The following RIMS2 variants were observed in gnomAD, a reference collection of about 807,000 sequenced individuals.
The protein encoded by RIMS2 is regulating synaptic membrane exocytosis protein 2.
Under a neutral mutation model 174.4 loss-of-function variants are expected in RIMS2, and 59 were observed. That is an observed-to-expected ratio of 0.34 (90% CI 0.27 to 0.42). The LOEUF is 0.42. Ranked by LOEUF, RIMS2 falls within the 10% of genes least tolerant of loss-of-function variation. RIMS2 has a pLI of 1.00. For missense variants in RIMS2, 1,620 were observed against 1,666.3 expected (o/e 0.97, Z 0.48); for synonymous variants, 606 against 572.5 (o/e 1.06, Z -0.84).
intron 1 of RIMS2, among the ~76,000 whole-genome samples, chr8:103,603,334 G>T (rs1190703654): frequency 5.3e-5 from 8 of 151,632 alleles, no homozygotes; most frequent in African/African-American, 1.7e-4. Flanking sequence ...AACTCATCAT[G>T]TTTTATGGCT....
chr8:103,890,621 A>T (rs1243109975), intron 4 of RIMS2, among the ~76,000 whole-genome samples: 1 of 151,796 alleles, frequency 6.6e-6, no homozygotes, highest in African/African-American at 2.4e-5. Flanking sequence ...CACTAAATTG[A>T]TCGCTTTCCC....
chr8:103,951,118 T>G (rs1251781592), intron 14 of RIMS2, among the ~76,000 whole-genome samples: 1 of 152,156 alleles, frequency 6.6e-6, no homozygotes, highest in Non-Finnish European at 1.5e-5. Flanking sequence ...AATACAAAAA[T>G]CACATAATCA....
chr8:104,171,874 G>T (rs939914885), intron 19 of RIMS2, among the ~76,000 whole-genome samples: 1 of 151,930 alleles, frequency 6.6e-6, no homozygotes, highest in Non-Finnish European at 1.5e-5. Context: ...GTTTATTATA[G>T]CCTAATTTGA....
intron 3 of RIMS2, among the ~76,000 whole-genome samples, chr8:103,840,397 A>G (rs892781270): frequency 3.3e-5 from 5 of 150,308 alleles, no homozygotes. Context: ...TATTTTTCCC[A>G]CTAGTTCTAC....
intron 1 of RIMS2, among the ~76,000 whole-genome samples, chr8:103,588,921 A>G (rs1388481847): frequency 1.3e-5 from 2 of 151,880 alleles, no homozygotes; most frequent in Non-Finnish European, 3.0e-5. Flanking sequence ...GATCACATCA[A>G]GTTAAAAAGC....
chr8:103,795,031 T>G (rs1453723264), intron 3 of RIMS2, among the ~76,000 whole-genome samples: 1 of 152,216 alleles, frequency 6.6e-6, no homozygotes, highest in Non-Finnish European at 1.5e-5. Flanking sequence ...GTGTGGCAAT[T>G]CCTCAGGGAT....
chr8:103,611,314 A>G (rs753161667), intron 1 of RIMS2, among the ~76,000 whole-genome samples: 1 of 152,104 alleles, frequency 6.6e-6, no homozygotes, highest in African/African-American at 2.4e-5. Flanking sequence ...TTCATGGTTC[A>G]TCACTTAGTC....
At position 103,994,215 on chromosome 8, in the gene RIMS2, A is replaced by G. The variant is rs114613928; in HGVS notation, c.3044+4794A>G. ...AAAGGGGACATTCGGCTAATTTCAT[A>G]TAGTGGAAGGACAATTCATTATAAA... On this transcript the variant is annotated intron_variant, in intron 17 of 23. Coordinates refer to ENST00000504942, the Ensembl canonical transcript of RIMS2. 3.0e-3 allele frequency among the ~76,000 whole-genome samples: 463 copies of G among 152,178 alleles called. 1 individual carries two copies. Among genetic ancestry groups the G allele is most frequent in the African/African-American group, 0.011 (440 of 41,526 alleles).
rs149057528 is a variant in RIMS2, at chr8:104,034,121, A to G, written c.3334+19506A>G. ...GTATGGGAATGAGCCCAAACTTGAG[A>G]TGGAAAGTTGGCTGTGCATCAATAG... On this transcript the variant is annotated intron_variant, in intron 19 of 23. Transcript: ENST00000504942. 2.2e-3 allele frequency among the ~76,000 whole-genome samples: 330 copies of G among 152,306 alleles called. 1 individual carries two copies. Among genetic ancestry groups the G allele is most frequent in the African/African-American group, 7.7e-3 (321 of 41,554 alleles).
intron 19 of RIMS2, among the ~76,000 whole-genome samples, chr8:104,041,985 CAT>C (rs924644635): frequency 9.2e-5 from 14 of 151,492 alleles, no homozygotes; most frequent in Non-Finnish European, 1.9e-4. Context: ...AACTTGAACA[CAT>C]GTGGTACTGT....
chr8:103,500,731 T>G, upstream of RIMS2: 3 of 517,650 alleles, frequency 5.8e-6, no homozygotes, highest in Non-Finnish European at 6.8e-6. Flanking sequence ...TCCCCCTGCT[T>G]TTCTTGGGGG....
intron 15 of RIMS2, among the ~76,000 whole-genome samples, chr8:103,967,190 T>G (rs1596008859): frequency 7.5e-6 from 1 of 134,098 alleles, no homozygotes; most frequent in African/African-American, 2.9e-5. Flanking sequence ...TTTTTTTTTT[T>G]TTTTTTTTTT....
intron 19 of RIMS2, among the ~76,000 whole-genome samples, chr8:104,160,061 C>T (rs1054470865): frequency 2.0e-5 from 3 of 151,950 alleles, no homozygotes; most frequent in Non-Finnish European, 4.4e-5. Flanking sequence ...ATTACTTGAA[C>T]CTGGAAGGCA....
At chr8:104,062,413 AT>A (rs2097017196) in intron 19 of RIMS2, among the ~76,000 whole-genome samples, 1 of 152,242 alleles carries the variant, frequency 6.6e-6, no homozygotes, top group South Asian at 2.1e-4. Context: ...TCTCAAAAAA[AT>A]TTTAAAAAAA....
chr8:103,586,449 G>C (rs2093925189), intron 1 of RIMS2, among the ~76,000 whole-genome samples: 1 of 151,958 alleles, frequency 6.6e-6, no homozygotes, highest in Non-Finnish European at 1.5e-5. Context: ...GAGGAATTTG[G>C]GAAACTAAAC....
rs966867439 is a variant in RIMS2 at position 104,093,133 on chromosome 8, TA to T, written c.3334+78526del. Among the ~76,000 whole-genome samples the T allele has an allele frequency of 2.0e-4, 30 of 151,968 alleles. No homozygotes were observed. In the South Asian group the frequency reaches 4.6e-3, roughly 23 times the overall value. The stretch of plus-strand genomic sequence containing the variant: ...ATGGCTACTAGAATTTATTAAAAAA[TA>T]AAAAAAATTCTACTTCCTCATATTA... On this transcript the variant is annotated intron_variant, in intron 19 of 23. Coordinates refer to ENST00000504942, the Ensembl canonical transcript of RIMS2.
chr8:104,241,031 A>T (rs2099289054), intron 19 of RIMS2, among the ~76,000 whole-genome samples: 1 of 152,094 alleles, frequency 6.6e-6, no homozygotes, highest in Non-Finnish European at 1.5e-5. Flanking sequence ...CACCTTGTAA[A>T]TGGTAGAGTG....
At chr8:104,215,273 A>T (rs757283340) in intron 19 of RIMS2, among the ~76,000 whole-genome samples, 14 of 152,198 alleles carry the variant, frequency 9.2e-5, no homozygotes, top group Non-Finnish European at 1.5e-4. Flanking sequence ...TTATTGCCAT[A>T]AATGTTGTAA....
intron 1 of RIMS2, among the ~76,000 whole-genome samples, chr8:103,586,174 G>A (rs1269300726): frequency 6.6e-6 from 1 of 152,160 alleles, no homozygotes; most frequent in Admixed American, 6.6e-5. Flanking sequence ...TCCACTTTCA[G>A]CATTGGACAA....
Sources: gnomAD v4.1 joint callset for allele counts (sites outside exome capture counted in the v4.1 genomes callset) on GRCh38, gnomAD v4.1.1 for gene constraint, MANE v1.5 for transcripts, NCBI Gene and HGNC (gene_info 2026-07-23, HGNC 2026-07-21) for gene names.